LINGO1: variants seen among roughly 807,000 people sequenced by gnomAD.
The protein encoded by LINGO1 is leucine rich repeat and Ig domain containing 1.
A neutral mutation model predicts 37.3 loss-of-function variants in LINGO1; 11 were observed. That is an observed-to-expected ratio of 0.29 (90% CI 0.19 to 0.49). The LOEUF (loss-of-function observed/expected upper bound fraction) is 0.49. LINGO1 is among the 20% of genes least tolerant of loss of function. LINGO1 has a pLI of 0.99. For missense variants in LINGO1, 585 were observed against 878.2 expected (o/e 0.67, Z 4.22); for synonymous variants, 387 against 403.0 (o/e 0.96, Z 0.48).
chr15:77,736,099 C>T (rs1325796910), intron 1 of LINGO1, among the ~76,000 whole-genome samples: 2 of 152,240 alleles, frequency 1.3e-5, no homozygotes, highest in African/African-American at 4.8e-5. Flanking sequence ...AGTAAACACT[C>T]TCATTCCCAG....
intron 3 of LINGO1, among the ~76,000 whole-genome samples, chr15:77,660,460 G>A (rs912966870): frequency 2.0e-5 from 3 of 152,174 alleles, no homozygotes; most frequent in East Asian, 1.9e-4. Flanking sequence ...TGGGGGGAGA[G>A]CAGAGTCTCC....
intron 1 of LINGO1, among the ~76,000 whole-genome samples, chr15:77,780,642 C>T (rs1278100256): frequency 6.6e-6 from 1 of 152,024 alleles, no homozygotes; most frequent in Non-Finnish European, 1.5e-5. Flanking sequence ...ACATCCAGGT[C>T]CTAACCCCCA....
chr15:77,765,389 T>C (rs2076517724), intron 1 of LINGO1, among the ~76,000 whole-genome samples: 1 of 149,118 alleles, frequency 6.7e-6, no homozygotes, highest in Non-Finnish European at 1.5e-5. Context: ...CACTCCAGCC[T>C]GGGCAACAGA....
rs539750545 is a variant in LINGO1 at position 77,685,489 on chromosome 15, A to C, written c.-99+5231T>G. On this transcript the variant is annotated intron_variant, in intron 2 of 3. Transcript: ENST00000559893. ...GGGGATGTCTGCCTGTGTACCAGTGAACTTGTGTGCACACATGCCCCTGAA... is the reference window on the plus strand; with the variant it reads ...GGGGATGTCTGCCTGTGTACCAGTGCACTTGTGTGCACACATGCCCCTGAA... 3.3e-5 allele frequency among the ~76,000 whole-genome samples: 5 copies of C among 152,268 alleles called. 2 individuals are homozygous for C. The highest frequency in any genetic ancestry group is 1.2e-4 in the African/African-American group (5 of 41,546).
chr15:77,688,598 G>A (rs1253968844), intron 2 of LINGO1, among the ~76,000 whole-genome samples: 2 of 152,144 alleles, frequency 1.3e-5, no homozygotes, highest in Admixed American at 6.5e-5. Flanking sequence ...CCTCCCACCC[G>A]AGATGCCCCT....
chr15:77,641,736 G>A (rs2074510928), intron 3 of LINGO1: 2 of 403,496 alleles, frequency 5.0e-6, no homozygotes, highest in Non-Finnish European at 1.0e-5. Flanking sequence ...TGCTGGGAGA[G>A]AGAAGAGGCC....
intron 1 of LINGO1, among the ~76,000 whole-genome samples, chr15:77,625,528 C>CT (rs1006910477): frequency 3.3e-5 from 5 of 152,074 alleles, no homozygotes; most frequent in East Asian, 3.9e-4. Flanking sequence ...TATAGTGCCT[C>CT]TTTTTTTTAA....
intron 1 of LINGO1, among the ~76,000 whole-genome samples, chr15:77,746,385 A>G (rs2076315205): frequency 6.6e-6 from 1 of 152,130 alleles, no homozygotes; most frequent in African/African-American, 2.4e-5. Context: ...TACTGAAAGC[A>G]CTTAGTCTTC....
At chr15:77,635,614 C>T (rs887943730), upstream of LINGO1, among the ~76,000 whole-genome samples, 5 of 152,336 alleles carry the variant, frequency 3.3e-5, no homozygotes, top group South Asian at 8.3e-4. Flanking sequence ...ATGTTCCCCG[C>T]ACCCCAGGCC....
rs574447196 is a variant in LINGO1 at position 77,773,115 on chromosome 15, G to C, written c.-257+13754C>G. Among the ~76,000 whole-genome samples, 10 of 152,314 alleles carry C rather than the reference G, an allele frequency of 6.6e-5. No individual in the cohort carries two copies. In the South Asian group the frequency reaches 2.1e-3, roughly 32 times the overall value. On this transcript the variant is annotated intron_variant, in intron 1 of 3. Coordinates refer to the LINGO1 transcript ENST00000561686. ...AGGTGGCTGTGGAAAGGCCAGAGAA[G>C]AGGCTGCCAAAATGGAGGCCCCAGA...
Position 77,615,299 on chromosome 15 carries a change from A to G in LINGO1, c.608T>C (p.Leu203Pro). Residue 203 changes from leucine (L) to proline (P), a missense_variant, in exon 2 of 2, where the codon CTG becomes CCG. Coordinates refer to ENST00000355300, the MANE Select transcript of LINGO1 (RefSeq NM_032808.7). ...LEQLTLEKCN[L>P]TSIPTEALSH... Reference sequence around the variant, plus strand: ...CAGCGCCTCGGTGGGGATGGAGGTCAGGTTGCATTTCTCCAGCGTCAGCTG... The same window carrying G: ...CAGCGCCTCGGTGGGGATGGAGGTCGGGTTGCATTTCTCCAGCGTCAGCTG... 6.2e-7 allele frequency: 1 copy of G among 1,613,382 alleles called. No homozygotes were observed. The highest frequency in any genetic ancestry group is 8.5e-7 in the Non-Finnish European group (1 of 1,179,766).
intron 1 of LINGO1, among the ~76,000 whole-genome samples, chr15:77,629,718 GCA>G (rs2074197191): frequency 6.6e-6 from 1 of 152,204 alleles, no homozygotes; most frequent in African/African-American, 2.4e-5. Flanking sequence ...AGGCAGGAGG[GCA>G]AAAGGAAGGG....
intron 1 of LINGO1, among the ~76,000 whole-genome samples, chr15:77,619,695 C>T (rs2073857471): frequency 7.1e-6 from 1 of 140,704 alleles, no homozygotes; most frequent in Non-Finnish European, 1.5e-5. Context: ...TCTGTAAAAA[C>T]AATAAATAAA....
At chr15:77,770,168 G>A (rs1287534632) in intron 1 of LINGO1, among the ~76,000 whole-genome samples, 5 of 152,126 alleles carry the variant, frequency 3.3e-5, no homozygotes, top group African/African-American at 4.8e-5. Context: ...AGCAGGCTCC[G>A]AAACCAATGC....
intron 3 of LINGO1, chr15:77,660,333 T>C (rs1325125426): frequency 6.6e-6 from 1 of 152,170 alleles, no homozygotes; most frequent in Admixed American, 6.5e-5. Flanking sequence ...TCCCACAGTC[T>C]GTGTGATGAT....
intron 1 of LINGO1, among the ~76,000 whole-genome samples, chr15:77,801,175 GA>G (rs1342070776): frequency 6.6e-6 from 1 of 152,198 alleles, no homozygotes; most frequent in Non-Finnish European, 1.5e-5. Context: ...CCTCTCCCAT[GA>G]AATAATAGCA....
At chr15:77,714,879 C>T (rs1006300130) in intron 2 of LINGO1, among the ~76,000 whole-genome samples, 2 of 152,378 alleles carry the variant, frequency 1.3e-5, no homozygotes, top group African/African-American at 4.8e-5. Flanking sequence ...CACGTCTTGG[C>T]TGGGAGCTGC....
chr15:77,748,754 G>C (rs1473379848), intron 1 of LINGO1, among the ~76,000 whole-genome samples: 1 of 151,430 alleles, frequency 6.6e-6, no homozygotes, highest in Non-Finnish European at 1.5e-5. Flanking sequence ...TTGCTTTGTT[G>C]CCCAGGCTGG....
chr15:77,633,723 T>A (rs1302483156), upstream of LINGO1, among the ~76,000 whole-genome samples: 1 of 152,218 alleles, frequency 6.6e-6, no homozygotes, highest in Non-Finnish European at 1.5e-5. Flanking sequence ...CCTCCCGGAA[T>A]GGTCCCGGGG....
Sources: allele counts gnomAD v4.1 joint callset (sites outside exome capture counted in the v4.1 genomes callset), GRCh38; gene constraint gnomAD v4.1.1; transcripts MANE v1.5; gene names NCBI Gene and HGNC (gene_info 2026-07-23, HGNC 2026-07-21).